Variants in TRPM1 observed in about 807,000 individuals in gnomAD.
TRPM1 encodes transient receptor potential cation channel subfamily M member 1, also known as TRPM1-203 APA Isoform, Intron 10.
In TRPM1, 113 loss-of-function variants were observed where a neutral mutation model predicts 149.4. The ratio of observed to expected loss-of-function variants is 0.76; its 90% CI spans 0.65 to 0.88. The LOEUF is 0.88. TRPM1 is among the 40% of genes least tolerant of loss of function. The pLI is 0.00. For synonymous variants in TRPM1, 741 were observed against 759.5 expected (o/e 0.98, Z 0.40); for missense variants, 1,976 against 2,038.7 (o/e 0.97, Z 0.59).
intron 11 of TRPM1, among the ~76,000 whole-genome samples, chr15:31,057,926 C>A (rs571969477): frequency 6.6e-6 from 1 of 152,130 alleles, no homozygotes; most frequent in Admixed American, 6.5e-5. Context: ...CATGGGCTGC[C>A]GTGTAAGATG....
chr15:31,074,533 C>A (rs183968790), intron 3 of TRPM1, among the ~76,000 whole-genome samples: 78 of 151,956 alleles, frequency 5.1e-4, no homozygotes, highest in Non-Finnish European at 9.7e-4. Context: ...GTAGTAATGT[C>A]CCCTCTTTCA....
At chr15:31,146,583 G>T (rs1420825334) in intron 1 of TRPM1, among the ~76,000 whole-genome samples, 1 of 152,214 alleles carries the variant, frequency 6.6e-6, no homozygotes, top group Non-Finnish European at 1.5e-5. Context: ...TGATAATGAA[G>T]TTCCCCTTGC....
At chr15:31,088,972 C>G (rs1254944244) in intron 1 of TRPM1, among the ~76,000 whole-genome samples, 1 of 152,186 alleles carries the variant, frequency 6.6e-6, no homozygotes, top group Admixed American at 6.5e-5. Context: ...GGGCTCCCAG[C>G]ACTTTCTTGG....
intron 21 of TRPM1, 72 bp from the exon 22 acceptor site, chr15:31,033,012 A>C (rs2033166304): frequency 9.4e-6 from 15 of 1,597,650 alleles, no homozygotes; most frequent in Non-Finnish European, 1.3e-5. Flanking sequence ...TCTTGGAACA[A>C]TAAGACTGAT....
Position 31,032,682 on chromosome 15 carries a change from T to C in TRPM1, c.2952+7A>G. ...TCTCTGGATACCCACAGGATGCCAC[T>C]ACTAACCATCTTTCCAATCATCATC... On this transcript the variant is annotated splice_region_variant and intron_variant, in intron 22 of 27. Coordinates refer to ENST00000256552, the MANE Select transcript of TRPM1 (RefSeq NM_001252024.2). 1 of 1,614,116 alleles carries C rather than the reference T, an allele frequency of 6.2e-7. No individual in the cohort carries two copies. The highest frequency in any genetic ancestry group is 1.3e-5 in the African/African-American group (1 of 75,068).
intron 27 of TRPM1, among the ~76,000 whole-genome samples, chr15:31,013,733 T>C (rs1043756910): frequency 1.3e-5 from 2 of 152,172 alleles, no homozygotes; most frequent in African/African-American, 4.8e-5. Context: ...TTAGTGTAGT[T>C]GTTGTTTGTT....
chr15:31,144,712 A>ATTT (rs34583108), intron 1 of TRPM1, among the ~76,000 whole-genome samples: 10 of 108,214 alleles, frequency 9.2e-5, no homozygotes, highest in African/African-American at 1.3e-4. Context: ...TGTTTTTGAG[A>ATTT]TTTTTTTTTT....
Position 31,002,714 on chromosome 15 carries a change from T to C in TRPM1, c.3986A>G (p.Lys1329Arg). ...VRKKTCSFRI[K>R]EEKDVKTHLV... is the part of the protein sequence containing the mutation. ...GTGCGTTTTCACGTCCTTCTCTTCC[T>C]TTATACGGAAGGAACAGGTTTTTTT... The change falls in exon 28 of 28, where the codon AAG (lysine) becomes AGG (arginine). Residue 1329 changes from lysine (K) to arginine (R), a missense_variant. This residue lies in a region of TRPM1 where 572 missense variants were observed against 578.9 expected (regional missense o/e 0.99). Coordinates refer to ENST00000256552, the MANE Select transcript of TRPM1 (RefSeq NM_001252024.2). The C allele has an allele frequency of 1.2e-6, 2 of 1,614,218 alleles. No homozygotes were observed. The highest frequency in any genetic ancestry group is 1.7e-6 in the Non-Finnish European group (2 of 1,180,040).
intron 27 of TRPM1, among the ~76,000 whole-genome samples, chr15:31,016,641 T>C (rs920294102): frequency 2.6e-5 from 4 of 152,196 alleles, no homozygotes; most frequent in African/African-American, 7.2e-5. Context: ...AGGGCCACTC[T>C]CCATCCTTTT....
chr15:31,033,073 T>G, intron 21 of TRPM1, 133 bp from the exon 22 acceptor site: 1 of 1,225,596 alleles, frequency 8.2e-7, no homozygotes, highest in Non-Finnish European at 1.2e-6. Context: ...GTTTAAACAC[T>G]CTTCTTCTCA....
chr15:31,050,644 A>T, intron 11 of TRPM1, 62 bp from the exon 12 acceptor site: 5 of 1,591,124 alleles, frequency 3.1e-6, no homozygotes, highest in Non-Finnish European at 4.3e-6. Flanking sequence ...TCCCCAGACC[A>T]GCTCATTGAC....
At chr15:31,114,137 C>T (rs1306861318) in intron 1 of TRPM1, among the ~76,000 whole-genome samples, 3 of 152,142 alleles carry the variant, frequency 2.0e-5, no homozygotes, top group African/African-American at 7.2e-5. Flanking sequence ...CTCACTAGTA[C>T]CCTTATTTTT....
intron 1 of TRPM1, among the ~76,000 whole-genome samples, chr15:31,152,631 T>G (rs1385469174): frequency 6.6e-6 from 1 of 152,142 alleles, no homozygotes; most frequent in Non-Finnish European, 1.5e-5. Context: ...CTGACCAGCA[T>G]TGACATTAAA....
At chr15:31,103,813 CAAAA>C (rs10706621), upstream of TRPM1, among the ~76,000 whole-genome samples, 94 of 115,628 alleles carry the variant, frequency 8.1e-4, 1 homozygote, top group African/African-American at 2.7e-3. Context: ...ACTCTGTATC[CAAAA>C]AAAAAAAAAA....
rs749509209 is a variant in TRPM1 at position 31,067,044 on chromosome 15, T to C, written c.618+19A>G. ...ATTAATTTTAAAAAACTGCCAACAT[T>C]TGCAGAGAAAACACTTACATCCTTT... is the stretch of plus-strand genomic sequence containing the variant. On this transcript the variant is annotated intron_variant, in intron 6 of 27. Transcript: ENST00000256552. 6 of 1,614,168 alleles carry C rather than the reference T, an allele frequency of 3.7e-6. No individual in the cohort carries two copies. The highest frequency in any genetic ancestry group is 3.3e-5 in the Admixed American group (2 of 60,024).
chr15:31,047,352 G>C, intron 14 of TRPM1, 101 bp from the exon 15 acceptor site: 1 of 1,336,712 alleles, frequency 7.5e-7, no homozygotes, highest in Non-Finnish European at 1.1e-6. Flanking sequence ...CCCCACTTGG[G>C]AGTTCATGTA....
chr15:31,084,393 C>T (rs908155911), intron 1 of TRPM1, among the ~76,000 whole-genome samples: 1 of 152,108 alleles, frequency 6.6e-6, no homozygotes, highest in African/African-American at 2.4e-5. Flanking sequence ...TCCTGGCAAC[C>T]ACAAATCCAC....
At chr15:31,069,596 G>T in intron 4 of TRPM1, 1 of 1,272,012 alleles carries the variant, frequency 7.9e-7, no homozygotes, top group Non-Finnish European at 9.9e-7. Flanking sequence ...GAGGGACCTT[G>T]GTCCTTCTCG....
In TRPM1 at chr15:31,132,197, G is replaced by A. The variant is rs756540063; in HGVS notation, c.54+28709C>T. Among the ~76,000 whole-genome samples the A allele has an allele frequency of 3.7e-4, 57 of 152,332 alleles. 1 individual carries two copies. Among genetic ancestry groups the A allele is most frequent in the Middle Eastern group, 3.4e-3 (1 of 294 alleles). ...GGGTTGACCCCAAGGTTGGGCACAA[G>A]CTCTGCCTCCCCTGGCCCCTCTGTG... On this transcript the variant is annotated intron_variant, in intron 1 of 26. Transcript: ENST00000542188.
Sources: allele counts gnomAD v4.1 joint callset (sites outside exome capture counted in the v4.1 genomes callset), GRCh38; gene constraint gnomAD v4.1.1; regional missense constraint gnomAD v4.1.1; transcripts MANE v1.5; gene names NCBI Gene and HGNC (gene_info 2026-07-23, HGNC 2026-07-21).